The following ARL15 variants were observed in gnomAD, a reference collection of about 807,000 sequenced individuals.
ARL15 encodes the protein ARF like GTPase 15.
ARL15 carries 19 observed loss-of-function variants against 25.2 expected under a neutral mutation model. The ratio of observed to expected loss-of-function variants is 0.75; its 90% CI spans 0.53 to 1.10. The LOEUF is 1.10. Ranked by LOEUF, ARL15 falls within the 50% of genes least tolerant of loss-of-function variation. ARL15 has a pLI of 0.00. For synonymous variants in ARL15, 94 were observed against 86.8 expected, an observed-to-expected ratio of 1.08 and a Z score of -0.46; for missense variants, 220 against 246.0, an observed-to-expected ratio of 0.89 and a Z score of 0.71.
chr5:54,125,742 C>T (rs1019722958), intron 3 of ARL15, among the ~76,000 whole-genome samples: 1 of 152,108 alleles, frequency 6.6e-6, no homozygotes, highest in African/African-American at 2.4e-5. Context: ...ACTGATAAAA[C>T]GTGTGCTGTT....
At chr5:54,064,999 A>G (rs1045512673) in intron 4 of ARL15, among the ~76,000 whole-genome samples, 7 of 152,176 alleles carry the variant, frequency 4.6e-5, no homozygotes, top group African/African-American at 1.7e-4. Context: ...TACTCCATAA[A>G]CATTTGTTGA....
At chr5:54,049,457 A>T (rs1040215834) in intron 4 of ARL15, among the ~76,000 whole-genome samples, 10 of 152,116 alleles carry the variant, frequency 6.6e-5, no homozygotes, top group African/African-American at 1.7e-4. Flanking sequence ...TTAAATATAC[A>T]TCTTAAAGGA....
intron 1 of ARL15, among the ~76,000 whole-genome samples, chr5:54,260,120 C>T (rs1198158398): frequency 3.3e-5 from 5 of 152,138 alleles, no homozygotes; most frequent in Non-Finnish European, 7.4e-5. Flanking sequence ...TTAATGTTCC[C>T]TTGGCCATCC....
chr5:53,996,751 C>T (rs1748689010), intron 4 of ARL15, among the ~76,000 whole-genome samples: 1 of 151,930 alleles, frequency 6.6e-6, no homozygotes, highest in Admixed American at 6.6e-5. Context: ...GGTGAAAGTC[C>T]CCTAGGTAGG....
At chr5:54,129,406 T>C (rs970024896) in intron 3 of ARL15, among the ~76,000 whole-genome samples, 4 of 152,180 alleles carry the variant, frequency 2.6e-5, no homozygotes, top group African/African-American at 9.7e-5. Flanking sequence ...TAAATCATTA[T>C]GTGGGTGATG....
chr5:54,287,467 T>C (rs1318146066), intron 1 of ARL15, among the ~76,000 whole-genome samples: 1 of 150,548 alleles, frequency 6.6e-6, no homozygotes, highest in Non-Finnish European at 1.5e-5. Context: ...GGTATCCAAG[T>C]TCAAAGGAGC....
chr5:54,211,467 CTTTT>C (rs57554255), intron 1 of ARL15, among the ~76,000 whole-genome samples: 3 of 119,620 alleles, frequency 2.5e-5, no homozygotes, highest in Non-Finnish European at 3.3e-5. Context: ...AAATGAAACA[CTTTT>C]TTTTTTTTTT....
At chr5:54,037,425 T>C (rs1196973520) in intron 4 of ARL15, among the ~76,000 whole-genome samples, 1 of 152,102 alleles carries the variant, frequency 6.6e-6, no homozygotes, top group Non-Finnish European at 1.5e-5. Flanking sequence ...ATGTAGTAAA[T>C]ACATGAATGA....
intron 4 of ARL15, among the ~76,000 whole-genome samples, chr5:54,020,013 T>C (rs1267481651): frequency 6.6e-6 from 1 of 152,238 alleles, no homozygotes; most frequent in Non-Finnish European, 1.5e-5. Flanking sequence ...GCTCTGAGCT[T>C]TGTTAAAACT....
At chr5:54,047,819 C>T (rs563208227) in intron 4 of ARL15, among the ~76,000 whole-genome samples, 37 of 152,238 alleles carry the variant, frequency 2.4e-4, no homozygotes, top group East Asian at 9.6e-4. Context: ...TATCACATAA[C>T]GGAGTTTGCA....
chr5:53,998,457 A>G (rs1486801893), intron 4 of ARL15, among the ~76,000 whole-genome samples: 1 of 152,042 alleles, frequency 6.6e-6, no homozygotes, highest in East Asian at 1.9e-4. Flanking sequence ...GCTCAAATTT[A>G]GCATACCTTT....
chr5:53,963,805 T>TCTCACACACA (rs1407291151), intron 4 of ARL15, among the ~76,000 whole-genome samples: 9 of 143,138 alleles, frequency 6.3e-5, no homozygotes, highest in African/African-American at 2.4e-4. Flanking sequence ...TGAAACTCCA[T>TCTCACACACA]CACACACACA....
chr5:54,175,310 C>T (rs1245946572), intron 1 of ARL15, among the ~76,000 whole-genome samples: 1 of 152,028 alleles, frequency 6.6e-6, no homozygotes, highest in Non-Finnish European at 1.5e-5. Context: ...ATATTCTACT[C>T]CACTGTCTTT....
At chr5:54,133,367 G>C (rs765841843) in intron 3 of ARL15, among the ~76,000 whole-genome samples, 6 of 152,184 alleles carry the variant, frequency 3.9e-5, no homozygotes, top group Non-Finnish European at 7.3e-5. Flanking sequence ...CAGAGGTACT[G>C]ATAAAAATGA....
At chr5:53,922,092 T>A (rs1745875640) in intron 4 of ARL15, among the ~76,000 whole-genome samples, 1 of 152,232 alleles carries the variant, frequency 6.6e-6, no homozygotes, top group African/African-American at 2.4e-5. Context: ...TGTAGCACCA[T>A]GTGTTTTGTC....
intron 4 of ARL15, among the ~76,000 whole-genome samples, chr5:54,024,008 G>T (rs1374092076): frequency 1.3e-5 from 2 of 152,226 alleles, no homozygotes; most frequent in African/African-American, 4.8e-5. Context: ...CCCCTGAGAA[G>T]AAGGGTATAT....
chr5:54,162,971 T>C (rs901002228), intron 2 of ARL15, among the ~76,000 whole-genome samples: 1 of 152,202 alleles, frequency 6.6e-6, no homozygotes, highest in Non-Finnish European at 1.5e-5. Flanking sequence ...CATCCATGTC[T>C]TATTCCTGAT....
chr5:54,172,905 T>C (rs1281924003), intron 1 of ARL15, among the ~76,000 whole-genome samples: 1 of 152,158 alleles, frequency 6.6e-6, no homozygotes, highest in Non-Finnish European at 1.5e-5. Context: ...TAGTATAGTT[T>C]GCTCTGCAAG....
intron 2 of ARL15, among the ~76,000 whole-genome samples, chr5:54,155,862 T>C (rs1754216740): frequency 6.6e-6 from 1 of 152,214 alleles, no homozygotes; most frequent in African/African-American, 2.4e-5. Context: ...CTTATATTTC[T>C]TTTTTGAATT....
Sources: allele counts gnomAD v4.1 joint callset (sites outside exome capture counted in the v4.1 genomes callset), GRCh38; gene constraint gnomAD v4.1.1; transcripts MANE v1.5; gene names NCBI Gene and HGNC (gene_info 2026-07-23, HGNC 2026-07-21).